AP2A2: variants seen among roughly 807,000 people sequenced by gnomAD.
AP2A2 encodes adaptor related protein complex 2 subunit alpha 2, also known as AP-2 complex subunit alpha-2.
Under a neutral mutation model 104.2 loss-of-function variants are expected in AP2A2, and 32 were observed. The observed-to-expected ratio is 0.31, with a 90% confidence interval of 0.23 to 0.41. The LOEUF is 0.41. Among genes scored for constraint, AP2A2 ranks in the 10% least tolerant of loss-of-function variants. The probability of loss-of-function intolerance (pLI) is 1.00; values close to 1 mark genes in which losing one functional copy is unlikely to be tolerated. For missense variants in AP2A2, 912 were observed against 1,261.0 expected (o/e 0.72, Z 4.19); for synonymous variants, 539 against 533.3 (o/e 1.01, Z -0.15).
chr11:1,007,638 T>C (rs1856254778), intron 17 of AP2A2: 1 of 303,646 alleles, frequency 3.3e-6, no homozygotes, highest in African/African-American at 2.3e-5. Context: ...TCTCGCTGTT[T>C]CAGGAGCCTG....
chr11:974,834 A>G (rs1854965925), intron 4 of AP2A2, among the ~76,000 whole-genome samples: 2 of 151,810 alleles, frequency 1.3e-5, no homozygotes, highest in East Asian at 3.9e-4. Flanking sequence ...AAACCAGAAA[A>G]ATTAGCTGGG....
intron 6 of AP2A2, among the ~76,000 whole-genome samples, chr11:983,606 A>C (rs989173861): frequency 2.6e-5 from 4 of 151,324 alleles, no homozygotes; most frequent in Non-Finnish European, 5.9e-5. Flanking sequence ...GATGGTCTCG[A>C]TCTCCTGACC....
At chr11:988,892 G>A in intron 10 of AP2A2, 1 of 660,062 alleles carries the variant, frequency 1.5e-6, no homozygotes, top group Non-Finnish European at 2.5e-6. Flanking sequence ...CTACTCCTGA[G>A]GTGGAGGCGG....
At chr11:926,363 G>A (rs1243851612) in intron 1 of AP2A2, among the ~76,000 whole-genome samples, 1 of 147,820 alleles carries the variant, frequency 6.8e-6, no homozygotes, top group African/African-American at 2.5e-5. Context: ...GATGCAGAGC[G>A]GGGCCCTGGG....
At chr11:998,578 G>A (rs1420636799) in intron 14 of AP2A2, among the ~76,000 whole-genome samples, 3 of 152,006 alleles carry the variant, frequency 2.0e-5, no homozygotes, top group African/African-American at 4.8e-5. Context: ...TACTCAAGAC[G>A]AATCTTCAAG....
At position 970,450 on chromosome 11, in the gene AP2A2, G is replaced by A. The variant is rs968860215; in HGVS notation, c.279+139G>A. 7 of 1,097,900 alleles carry A rather than the reference G, an allele frequency of 6.4e-6. 1 individual carries two copies. The highest frequency in any genetic ancestry group is 3.2e-5 in the African/African-American group (2 of 63,120). 68.0% of individuals were successfully genotyped at this position (1,097,900 alleles called of 1,614,324 possible). A position where few individuals can be genotyped will look rare whatever the true frequency, so the allele number is the denominator to read the frequency against. On this transcript the variant is annotated intron_variant, in intron 3 of 21. Transcript: ENST00000448903. Reference sequence around the variant, plus strand: ...ACGTGGGTCTGCTGCAGATGGAGACGCGTGCCCAGTCCTTGTTAGCACCTG... The same window carrying A: ...ACGTGGGTCTGCTGCAGATGGAGACACGTGCCCAGTCCTTGTTAGCACCTG...
In AP2A2 at chr11:1,004,053, A is replaced by G. The variant is rs142902131; in HGVS notation, c.2206+249A>G. Among the ~76,000 whole-genome samples, 37 of 152,176 alleles carry G rather than the reference A, an allele frequency of 2.4e-4. No homozygotes were observed. The East Asian group carries it at 7.1e-3, about 29-fold the overall frequency. ...GGGTGGGTGCAAAGTTGTTGAAAAG[A>G]CGACATTCTCCAGGGAAAATACAGG... On this transcript the variant is annotated intron_variant, in intron 16 of 21. Coordinates refer to ENST00000448903, the MANE Select transcript of AP2A2 (RefSeq NM_012305.4).
chr11:976,074 C>T (rs1035705701), intron 4 of AP2A2, among the ~76,000 whole-genome samples: 12 of 152,182 alleles, frequency 7.9e-5, no homozygotes, highest in African/African-American at 2.4e-4. Flanking sequence ...GTCCTGAAGC[C>T]GCCTGGCAAG....
At chr11:940,681 C>A in intron 1 of AP2A2, 1 of 378,778 alleles carries the variant, frequency 2.6e-6, no homozygotes, top group Admixed American at 3.4e-5. Context: ...CTTTGAATGC[C>A]TTTTGTGTAG....
intron 9 of AP2A2, 64 bp from the exon 10 acceptor site, chr11:988,488 C>A (rs1855538298): frequency 6.3e-7 from 1 of 1,578,226 alleles, no homozygotes; most frequent in Admixed American, 1.7e-5. Context: ...CGAGCCTGTC[C>A]CCAGCCTGTC....
chr11:931,151 C>T (rs1043753667), intron 1 of AP2A2, among the ~76,000 whole-genome samples: 1 of 152,092 alleles, frequency 6.6e-6, no homozygotes, highest in Admixed American at 6.5e-5. Context: ...TTGCTTTTTT[C>T]CCCCTCAGTA....
intron 1 of AP2A2, among the ~76,000 whole-genome samples, chr11:952,513 C>T (rs1012039556): frequency 3.3e-5 from 5 of 152,196 alleles, no homozygotes; most frequent in Non-Finnish European, 7.3e-5. Flanking sequence ...ATGGCATGTC[C>T]AGGTTACTCA....
At chr11:934,935 C>T (rs187066553) in intron 1 of AP2A2, among the ~76,000 whole-genome samples, 3 of 151,692 alleles carry the variant, frequency 2.0e-5, no homozygotes, top group East Asian at 3.9e-4. Context: ...CTTGGTTAAC[C>T]GCAGCCTCTG....
At chr11:995,533 G>A (rs910988045) in intron 14 of AP2A2, 3 of 442,508 alleles carry the variant, frequency 6.8e-6, no homozygotes, top group African/African-American at 6.1e-5. Flanking sequence ...GGGCTTTGTG[G>A]GGTGAGCTCC....
At chr11:935,911 T>C (rs1286858592) in intron 1 of AP2A2, among the ~76,000 whole-genome samples, 1 of 150,480 alleles carries the variant, frequency 6.6e-6, no homozygotes, top group Non-Finnish European at 1.5e-5. Flanking sequence ...TTTTTTTTTT[T>C]TTTTCCCCCA....
At chr11:936,458 A>G (rs1336354354) in intron 1 of AP2A2, among the ~76,000 whole-genome samples, 3 of 152,016 alleles carry the variant, frequency 2.0e-5, no homozygotes, top group South Asian at 2.1e-4. Flanking sequence ...CAATGTTGCA[A>G]TCATAGCTTA....
chr11:994,448 C>T lies in AP2A2; in HGVS notation c.1956+203C>T, dbSNP rs1855773969. Among the ~76,000 whole-genome samples, 7 of 151,692 alleles carry T rather than the reference C, an allele frequency of 4.6e-5. No individual in the cohort carries two copies. The South Asian group carries it at 1.5e-3, about 32-fold the overall frequency. The stretch of plus-strand genomic sequence containing the variant: ...TGTCCTGTCCTGGGGGCCACTGTCC[C>T]TGCTGGACGCCACGCTGTCCTGTCC... On this transcript the variant is annotated intron_variant, in intron 14 of 21. Coordinates refer to ENST00000448903, the MANE Select transcript of AP2A2 (RefSeq NM_012305.4).
In AP2A2 at chr11:1,008,004, G is replaced by T. The variant is rs375919425; in HGVS notation, c.2297-8G>T. 2.4e-4 allele frequency: 375 copies of T among 1,554,382 alleles called. No individual in the cohort carries two copies. Among genetic ancestry groups the T allele is most frequent in the Non-Finnish European group, 3.1e-4 (352 of 1,149,348 alleles). On this transcript the variant is annotated splice_polypyrimidine_tract_variant and splice_region_variant and intron_variant, in intron 17 of 21. Coordinates refer to ENST00000448903, the MANE Select transcript of AP2A2 (RefSeq NM_012305.4). ...GACTTGCTCAGCTGGATTCCTTAAC[G>T]CACGCACACCTGAACCTGCAGACCA...
chr11:958,123 G>A (rs1381077115), intron 1 of AP2A2, among the ~76,000 whole-genome samples: 1 of 152,240 alleles, frequency 6.6e-6, no homozygotes, highest in Non-Finnish European at 1.5e-5. Context: ...AAGTCATAGA[G>A]GTGGGGTCCT....
Sources: gnomAD v4.1 joint callset for allele counts (sites outside exome capture counted in the v4.1 genomes callset) on GRCh38, gnomAD v4.1.1 for gene constraint, MANE v1.5 for transcripts, NCBI Gene and HGNC (gene_info 2026-07-23, HGNC 2026-07-21) for gene names.